Variants in IPCEF1 observed in about 807,000 individuals in gnomAD.
IPCEF1 encodes the protein interaction protein for cytohesin exchange factors 1.
Under a neutral mutation model 50.9 loss-of-function variants are expected in IPCEF1, and 31 were observed. The observed-to-expected ratio is 0.61, with a 90% CI of 0.46 to 0.82. The LOEUF (loss-of-function observed/expected upper bound fraction) is 0.82. Among genes scored for constraint, IPCEF1 ranks in the 40% least tolerant of loss-of-function variants. IPCEF1 has a pLI of 0.00. For missense variants in IPCEF1, 458 were observed against 514.0 expected (o/e 0.89, Z 1.05); for synonymous variants, 181 against 192.0 (o/e 0.94, Z 0.47).
chr6:154,191,133 C>CA (rs1255500696), intron 10 of IPCEF1, among the ~76,000 whole-genome samples: 1 of 151,994 alleles, frequency 6.6e-6, no homozygotes, highest in Non-Finnish European at 1.5e-5. Flanking sequence ...TGAAAGAAGC[C>CA]AATCTGAAAA....
chr6:154,353,483 C>T (rs925934229), intron 1 of IPCEF1, among the ~76,000 whole-genome samples: 4 of 152,080 alleles, frequency 2.6e-5, no homozygotes, highest in Non-Finnish European at 5.9e-5. Flanking sequence ...AACAGGGTTT[C>T]GCCATGTTGG....
At chr6:154,336,953 A>G (rs912709328) in intron 1 of IPCEF1, among the ~76,000 whole-genome samples, 4 of 152,192 alleles carry the variant, frequency 2.6e-5, no homozygotes, top group African/African-American at 9.7e-5. Context: ...GACTATAGTT[A>G]ATAACATTGC....
chr6:154,286,259 C>A (rs1025639682), intron 2 of IPCEF1, among the ~76,000 whole-genome samples: 1 of 152,146 alleles, frequency 6.6e-6, no homozygotes, highest in Non-Finnish European at 1.5e-5. Flanking sequence ...GGCTTAAAAC[C>A]TAGATGACGG....
chr6:154,229,973 A>G (rs1697508817), intron 5 of IPCEF1, among the ~76,000 whole-genome samples: 1 of 152,218 alleles, frequency 6.6e-6, no homozygotes, highest in African/African-American at 2.4e-5. Flanking sequence ...GCGATCAGTT[A>G]TGACTGTGTG....
chr6:154,344,273 A>G (rs1783981616), intron 1 of IPCEF1, among the ~76,000 whole-genome samples: 1 of 152,134 alleles, frequency 6.6e-6, no homozygotes. Flanking sequence ...TCTAATTCAC[A>G]TGAGTCAAGA....
At position 154,233,121 on chromosome 6, in the gene IPCEF1, G is replaced by A. The variant is rs986944405; in HGVS notation, c.247-9878C>T. Among the ~76,000 whole-genome samples the A allele has an allele frequency of 3.9e-5, 6 of 151,924 alleles. No individual in the cohort carries two copies. In the East Asian group the frequency reaches 5.8e-4, roughly 15 times the overall value. On this transcript the variant is annotated intron_variant, in intron 5 of 11. Transcript: ENST00000367220. ...GTAGCTGGGGTTACAGGCATGTGCC[G>A]CCACGCCCAGCTAATTTTTGTATTT...
At chr6:154,160,399 G>A (rs1159419292) in intron 11 of IPCEF1, among the ~76,000 whole-genome samples, 1 of 152,094 alleles carries the variant, frequency 6.6e-6, no homozygotes, top group African/African-American at 2.4e-5. Context: ...GCATTTTATT[G>A]ACAATCCAAA....
chr6:154,263,413 C>A (rs1264954804), intron 3 of IPCEF1, among the ~76,000 whole-genome samples: 1 of 137,882 alleles, frequency 7.3e-6, no homozygotes, highest in Non-Finnish European at 1.6e-5. Flanking sequence ...TGTTTGTGTC[C>A]CTGGGTACTT....
chr6:154,273,733 T>C (rs1308671822), intron 2 of IPCEF1, among the ~76,000 whole-genome samples: 82 of 27,646 alleles, frequency 3.0e-3, no homozygotes, highest in African/African-American at 0.014. Flanking sequence ...TCTTTTTTTT[T>C]TTTTTTTTTT....
Position 154,161,836 on chromosome 6 carries a change from A to G in IPCEF1, c.1105-1796T>C, listed in dbSNP as rs1583674183. 3.3e-5 allele frequency among the ~76,000 whole-genome samples: 5 copies of G among 152,334 alleles called. 1 individual carries two copies. The highest frequency in any genetic ancestry group is 3.3e-4 in the Admixed American group (5 of 15,300). Reference sequence around the variant, plus strand: ...TCTTTTTGACTATCCCCAGGACAGCATGTGTGAAACTAAAACTTCACAACC... The same window carrying G: ...TCTTTTTGACTATCCCCAGGACAGCGTGTGTGAAACTAAAACTTCACAACC... On this transcript the variant is annotated intron_variant, in intron 11 of 11. Coordinates refer to ENST00000367220, the MANE Select transcript of IPCEF1 (RefSeq NM_001130700.2).
intron 1 of IPCEF1, among the ~76,000 whole-genome samples, chr6:154,352,330 T>C (rs575228205): frequency 6.6e-6 from 1 of 152,364 alleles, no homozygotes; most frequent in African/African-American, 2.4e-5. Flanking sequence ...GAATCCTATC[T>C]TGCTGCTGTT....
At chr6:154,172,769 T>C (rs1297496173) in intron 10 of IPCEF1, among the ~76,000 whole-genome samples, 1 of 152,214 alleles carries the variant, frequency 6.6e-6, no homozygotes, top group Non-Finnish European at 1.5e-5. Flanking sequence ...CTTCTGCAGA[T>C]TTAAGTGTCC....
At chr6:154,221,428 TGC>T in intron 6 of IPCEF1, 100 bp from the exon 7 acceptor site, 1 of 865,838 alleles carries the variant, frequency 1.2e-6, no homozygotes, top group Non-Finnish European at 1.8e-6. Context: ...TAAACTTGTC[TGC>T]TTTCTTTGTA....
intron 2 of IPCEF1, among the ~76,000 whole-genome samples, chr6:154,285,272 A>G (rs1205200921): frequency 1.3e-5 from 2 of 152,196 alleles, no homozygotes; most frequent in African/African-American, 4.8e-5. Context: ...GAAAATGGCA[A>G]CAGGAAACCT....
chr6:154,195,337 T>G (rs532231585), intron 10 of IPCEF1, among the ~76,000 whole-genome samples: 1 of 151,882 alleles, frequency 6.6e-6, no homozygotes, highest in Non-Finnish European at 1.5e-5. Flanking sequence ...TTAATAGAGA[T>G]GGGGTTTCAC....
chr6:154,229,352 T>TC (rs1779525294), intron 5 of IPCEF1, among the ~76,000 whole-genome samples: 1 of 147,172 alleles, frequency 6.8e-6, no homozygotes, highest in African/African-American at 2.5e-5. Context: ...GCCGGTTTTT[T>TC]TTTTTTTTTT....
At chr6:154,189,943 CA>C (rs35398081) in intron 10 of IPCEF1, among the ~76,000 whole-genome samples, 21,832 of 135,984 alleles carry the variant, frequency 0.16, 1,838 homozygotes, top group South Asian at 0.24. Context: ...GACTCAGTCT[CA>C]AAAAAAAAAG....
At chr6:154,265,679 C>G (rs570213899) in intron 3 of IPCEF1, among the ~76,000 whole-genome samples, 2 of 152,240 alleles carry the variant, frequency 1.3e-5, no homozygotes, top group South Asian at 4.2e-4. Flanking sequence ...AATTGATGTA[C>G]AGTATATTAA....
chr6:154,199,062 C>T lies in IPCEF1; in HGVS notation c.910+606G>A, dbSNP rs1339566242. On this transcript the variant is annotated intron_variant, in intron 10 of 11. Transcript: ENST00000367220. ...TATTTTTTAAACCTCATATTATTAA[C>T]TTCCACACACAATTAATTCTTTCCT... Among the ~76,000 whole-genome samples the T allele has an allele frequency of 2.0e-5, 3 of 152,222 alleles. No individual in the cohort carries two copies. The East Asian group carries it at 5.8e-4, about 29-fold the overall frequency.
Sources: gnomAD v4.1 joint callset for allele counts (sites outside exome capture counted in the v4.1 genomes callset) on GRCh38, gnomAD v4.1.1 for gene constraint, MANE v1.5 for transcripts, NCBI Gene and HGNC (gene_info 2026-07-23, HGNC 2026-07-21) for gene names.